FANCC: variants seen among roughly 807,000 people sequenced by gnomAD.
The protein encoded by FANCC is FA complementation group C, also known as Fanconi anemia group C protein.
Under a neutral mutation model 71.3 loss-of-function variants are expected in FANCC, and 55 were observed. That is an observed-to-expected ratio of 0.77 (90% CI 0.62 to 0.97). FANCC has a LOEUF of 0.97. FANCC is among the 50% of genes least tolerant of loss of function. The pLI, the probability that FANCC is intolerant of heterozygous loss-of-function variation, is 0.00. For missense variants in FANCC, 678 were observed against 670.9 expected (o/e 1.01, Z -0.12); for synonymous variants, 275 against 244.9 (o/e 1.12, Z -1.15).
intron 6 of FANCC, 45 bp downstream of exon 6, chr9:95,171,034 T>C (rs1376794960): frequency 2.0e-6 from 3 of 1,487,174 alleles, no homozygotes; most frequent in East Asian, 2.3e-5. Context: ...ACCAAACTGA[T>C]ACATTTTGAA....
In FANCC at chr9:95,250,700, C is replaced by G. The variant is rs4647407; in HGVS notation, c.-78-1331G>C. ...TATCATCACCACCTGTCAAGTCTAC[C>G]ACCAAAATAAATGTGTGTGATCCGA... On this transcript the variant is annotated intron_variant, in intron 1 of 14. Transcript: ENST00000289081. Among the ~76,000 whole-genome samples, 383 of 152,358 alleles carry G rather than the reference C, an allele frequency of 2.5e-3. 2 individuals carry two copies. The highest frequency in any genetic ancestry group is 4.4e-3 in the Non-Finnish European group (296 of 68,036).
chr9:95,197,621 G>A (rs962543578), intron 4 of FANCC, among the ~76,000 whole-genome samples: 1 of 152,196 alleles, frequency 6.6e-6, no homozygotes, highest in East Asian at 1.9e-4. Flanking sequence ...GCCAGGTACT[G>A]TGCATCTAGC....
At chr9:95,254,340 C>T (rs1831526890) in intron 1 of FANCC, among the ~76,000 whole-genome samples, 2 of 152,246 alleles carry the variant, frequency 1.3e-5, no homozygotes, top group African/African-American at 4.8e-5. Context: ...AGGATCAATG[C>T]AGAAGGCAGG....
rs991828959 is a variant in FANCC, at chr9:95,100,631, C to T, written c.*1076G>A. ...AATAAATGTTAACCTTGAGATTACACTAACAATGCCTTTTTTTAAGAGATG... is the reference window on the plus strand; with the variant it reads ...AATAAATGTTAACCTTGAGATTACATTAACAATGCCTTTTTTTAAGAGATG... On this transcript the variant is annotated 3_prime_UTR_variant, in exon 15 of 15. Transcript: ENST00000289081. 4 of 229,866 alleles carry T rather than the reference C, an allele frequency of 1.7e-5. No homozygotes were observed. Among genetic ancestry groups the T allele is most frequent in the Admixed American group, 5.7e-5 (1 of 17,640 alleles). The allele number at this position is 229,866 out of a possible 1,614,324, so 14.2% of individuals were successfully genotyped here.
At chr9:95,241,793 GGGACCACA>G (rs1462826109) in intron 3 of FANCC, among the ~76,000 whole-genome samples, 1 of 152,092 alleles carries the variant, frequency 6.6e-6, no homozygotes. Context: ...CTGAGTAGCT[GGGACCACA>G]GGTGTGTGCC....
At chr9:95,187,409 T>A (rs1826795967) in intron 4 of FANCC, among the ~76,000 whole-genome samples, 1 of 152,110 alleles carries the variant, frequency 6.6e-6, no homozygotes, top group African/African-American at 2.4e-5. Context: ...ATACATACAC[T>A]CACCTGACGA....
At chr9:95,147,377 G>A (rs526189) in intron 7 of FANCC, among the ~76,000 whole-genome samples, 29,606 of 152,082 alleles carry the variant, frequency 0.19, 3,019 homozygotes, top group Middle Eastern at 0.3. Context: ...TTAGCTGGGC[G>A]TGATGGTGCA....
intron 10 of FANCC, among the ~76,000 whole-genome samples, chr9:95,118,584 C>A (rs1445203426): frequency 6.6e-6 from 1 of 152,250 alleles, no homozygotes; most frequent in Non-Finnish European, 1.5e-5. Context: ...CCCTCCACCC[C>A]ACCCTGGCAA....
intron 1 of FANCC, among the ~76,000 whole-genome samples, chr9:95,304,812 T>C (rs1413725086): frequency 5.9e-5 from 7 of 119,522 alleles, no homozygotes; most frequent in African/African-American, 1.3e-4. Flanking sequence ...GTGAAGGCAA[T>C]AGATGCAGTC....
At chr9:95,298,087 A>C (rs553142652) in intron 1 of FANCC, among the ~76,000 whole-genome samples, 3 of 152,310 alleles carry the variant, frequency 2.0e-5, no homozygotes, top group South Asian at 4.1e-4. Flanking sequence ...GGGAGACAAG[A>C]TCATACTGTA....
intron 1 of FANCC, among the ~76,000 whole-genome samples, chr9:95,282,047 C>T (rs1588411967): frequency 6.6e-6 from 1 of 151,150 alleles, no homozygotes; most frequent in African/African-American, 2.4e-5. Context: ...TAAATCCTTA[C>T]CTACCAATAA....
intron 7 of FANCC, among the ~76,000 whole-genome samples, chr9:95,144,384 GA>G (rs1829221408): frequency 1.3e-5 from 2 of 152,210 alleles, no homozygotes; most frequent in African/African-American, 4.8e-5. Flanking sequence ...TAAATTTTAT[GA>G]GTTGTTGAGG....
intron 6 of FANCC, among the ~76,000 whole-genome samples, chr9:95,154,198 A>G (rs923574452): frequency 7.0e-6 from 1 of 143,816 alleles, no homozygotes; most frequent in Non-Finnish European, 1.5e-5. Context: ...GTGAGCTGAC[A>G]TCACGCCACT....
At chr9:95,251,110 C>T (rs955358545) in intron 1 of FANCC, among the ~76,000 whole-genome samples, 2 of 152,236 alleles carry the variant, frequency 1.3e-5, no homozygotes, top group Admixed American at 1.3e-4. Context: ...GTTAATTATC[C>T]TGGGCTTTAT....
intron 4 of FANCC, among the ~76,000 whole-genome samples, chr9:95,187,694 CTG>C (rs1286518999): frequency 6.6e-6 from 1 of 151,942 alleles, no homozygotes; most frequent in Non-Finnish European, 1.5e-5. Context: ...AGCTCAAATG[CTG>C]TGTGTCTTTA....
At chr9:95,114,969 A>G (rs762650302) in intron 11 of FANCC, among the ~76,000 whole-genome samples, 4 of 152,118 alleles carry the variant, frequency 2.6e-5, no homozygotes, top group Non-Finnish European at 5.9e-5. Flanking sequence ...TTAAGACACG[A>G]TCTTGCTTGG....
At chr9:95,291,513 G>A (rs1172927901) in intron 1 of FANCC, among the ~76,000 whole-genome samples, 2 of 151,620 alleles carry the variant, frequency 1.3e-5, no homozygotes, top group Non-Finnish European at 2.9e-5. Flanking sequence ...AAAATACTTA[G>A]GTATAAATTT....
intron 1 of FANCC, among the ~76,000 whole-genome samples, chr9:95,250,026 G>A (rs1203682434): frequency 6.6e-6 from 1 of 152,154 alleles, no homozygotes; most frequent in African/African-American, 2.4e-5. Flanking sequence ...TTACTGAGGA[G>A]GTATACTAGT....
chr9:95,107,039 A>AG (rs1279605155), intron 14 of FANCC, 27 bp downstream of exon 14: 5 of 1,611,990 alleles, frequency 3.1e-6, no homozygotes, highest in Non-Finnish European at 4.2e-6. Context: ...AATGAGTACT[A>AG]GGATGCTGGA....
Sources: gnomAD v4.1 joint callset for allele counts (sites outside exome capture counted in the v4.1 genomes callset) on GRCh38, gnomAD v4.1.1 for gene constraint, MANE v1.5 for transcripts, NCBI Gene and HGNC (gene_info 2026-07-23, HGNC 2026-07-21) for gene names.